The following SGCZ variants were observed in gnomAD, a reference collection of about 807,000 sequenced individuals.
The protein encoded by SGCZ is sarcoglycan zeta, also known as zeta-sarcoglycan.
A neutral mutation model predicts 41.3 loss-of-function variants in SGCZ; 40 were observed. The ratio of observed to expected loss-of-function variants is 0.97; its 90% confidence interval spans 0.75 to 1.26. SGCZ has a LOEUF of 1.26. SGCZ is among the 50% of genes most tolerant of loss of function. The pLI, the probability that SGCZ is intolerant of heterozygous loss-of-function variation, is 0.00. For missense variants in SGCZ, 552 were observed against 369.8 expected (o/e 1.49, Z -4.04); for synonymous variants, 206 against 137.5 (o/e 1.50, Z -3.49).
chr8:15,237,592 T>G lies in SGCZ; in HGVS notation c.32A>C (p.Glu11Ala), dbSNP rs1368698162. The change falls in exon 1 of 8, where the codon GAG becomes GCG. Residue 11 changes from glutamate (E) to alanine (A), a missense_variant. Physicochemically the swap from Glu to Ala is moderately radical, Grantham distance 107. Coordinates refer to ENST00000382080, the MANE Select transcript of SGCZ (RefSeq NM_139167.4). MDRSTNLDIE[E>A]LKMTREQYIL... ...GCCCGGACCCGCACGTACCTTGAGC[T>G]CCTCAATGTCCAGGTTCGTTGATCT... The G allele has an allele frequency of 6.3e-7, 1 of 1,590,942 alleles. No homozygotes were observed. The highest frequency in any genetic ancestry group is 1.3e-5 in the African/African-American group (1 of 74,528).
At chr8:14,139,267 C>T (rs181441890) in intron 5 of SGCZ, among the ~76,000 whole-genome samples, 4 of 152,224 alleles carry the variant, frequency 2.6e-5, no homozygotes, top group East Asian at 3.9e-4. Context: ...GACATCCTAA[C>T]GTCACAATTA....
At chr8:14,865,017 T>C (rs138089781) in intron 1 of SGCZ, among the ~76,000 whole-genome samples, 3,578 of 152,204 alleles carry the variant, frequency 0.024, 51 homozygotes, top group Middle Eastern at 0.048. Context: ...TGCTGTTGAA[T>C]TGAGTTCCCT....
At chr8:14,138,244 C>G (rs1803261875) in intron 5 of SGCZ, among the ~76,000 whole-genome samples, 1 of 152,102 alleles carries the variant, frequency 6.6e-6, no homozygotes, top group South Asian at 2.1e-4. Context: ...TTGTAAAGAC[C>G]ATCGAGGCTA....
At chr8:14,609,301 C>T (rs890491022) in intron 1 of SGCZ, among the ~76,000 whole-genome samples, 2 of 151,972 alleles carry the variant, frequency 1.3e-5, no homozygotes, top group African/African-American at 2.4e-5. Flanking sequence ...AACGTCAATG[C>T]TGGTATTACA....
At chr8:14,190,641 C>G (rs1043698298) in intron 4 of SGCZ, among the ~76,000 whole-genome samples, 8 of 151,870 alleles carry the variant, frequency 5.3e-5, no homozygotes, top group African/African-American at 1.9e-4. Flanking sequence ...CTCGCTCTGT[C>G]GCCCAGGCTG....
At chr8:15,029,272 A>G (rs1055091189) in intron 1 of SGCZ, among the ~76,000 whole-genome samples, 2 of 152,094 alleles carry the variant, frequency 1.3e-5, no homozygotes, top group African/African-American at 2.4e-5. Flanking sequence ...AGTTGAAAGC[A>G]CTTAGAATTA....
At chr8:14,671,117 G>C (rs9325724) in intron 1 of SGCZ, among the ~76,000 whole-genome samples, 82,798 of 152,004 alleles carry the variant, frequency 0.54, 24,081 homozygotes, top group East Asian at 0.74. Context: ...AGTTCCTCTG[G>C]ACTTCAGCTT....
chr8:14,790,112 C>T (rs1800899916), intron 1 of SGCZ, among the ~76,000 whole-genome samples: 1 of 152,024 alleles, frequency 6.6e-6, no homozygotes, highest in Non-Finnish European at 1.5e-5. Flanking sequence ...GCATTCTGCC[C>T]ATTGAATGCA....
chr8:14,192,514 C>G (rs1008998304), intron 4 of SGCZ, among the ~76,000 whole-genome samples: 1 of 151,648 alleles, frequency 6.6e-6, no homozygotes, highest in Non-Finnish European at 1.5e-5. Context: ...TAAAACTTAC[C>G]CATACAATAA....
chr8:14,315,946 T>C (rs1458348382), intron 3 of SGCZ, among the ~76,000 whole-genome samples: 1 of 151,738 alleles, frequency 6.6e-6, no homozygotes, highest in Admixed American at 6.6e-5. Flanking sequence ...GATATGTCTA[T>C]GTAAAGGGAA....
chr8:14,885,984 GTTATATATATATATAT>G (rs1314163810), intron 1 of SGCZ, among the ~76,000 whole-genome samples: 1 of 58,382 alleles, frequency 1.7e-5, no homozygotes, highest in African/African-American at 6.6e-5. Context: ...AGGACTTTAT[GTTATATATATATATAT>G]ATATATATAT....
chr8:14,090,780 C>G (rs1256387163), intron 7 of SGCZ, 143 bp from the exon 8 acceptor site: 2 of 708,692 alleles, frequency 2.8e-6, no homozygotes, highest in Non-Finnish European at 4.6e-6. Flanking sequence ...GTTGAACAAA[C>G]AAATTACATT....
intron 1 of SGCZ, among the ~76,000 whole-genome samples, chr8:14,776,717 T>C (rs1800414199): frequency 6.6e-6 from 1 of 151,926 alleles, no homozygotes; most frequent in Admixed American, 6.6e-5. Context: ...ATGGTCTCCA[T>C]CTCCTGACCT....
At chr8:14,478,777 G>C (rs1000888110) in intron 2 of SGCZ, among the ~76,000 whole-genome samples, 1 of 152,072 alleles carries the variant, frequency 6.6e-6, no homozygotes, top group African/African-American at 2.4e-5. Flanking sequence ...CGCTTTTTCA[G>C]AGTAACAGTT....
intron 1 of SGCZ, among the ~76,000 whole-genome samples, chr8:14,923,685 G>A (rs1305211227): frequency 2.0e-5 from 3 of 152,158 alleles, no homozygotes; most frequent in African/African-American, 7.2e-5. Flanking sequence ...TTATATCACA[G>A]GAGAACAATT....
At chr8:14,953,376 C>A (rs1158800953) in intron 1 of SGCZ, among the ~76,000 whole-genome samples, 2 of 152,156 alleles carry the variant, frequency 1.3e-5, no homozygotes, top group Admixed American at 1.3e-4. Flanking sequence ...AGGGGGAAAT[C>A]TGCCCCCATG....
At position 14,807,867 on chromosome 8, in the gene SGCZ, T is replaced by C. The variant is rs1013508221; in HGVS notation, c.40-252941A>G. On this transcript the variant is annotated intron_variant, in intron 1 of 7. Coordinates refer to ENST00000382080, the MANE Select transcript of SGCZ (RefSeq NM_139167.4). Reference sequence around the variant, plus strand: ...TACAGTAACCAAAACAGCATGATACTGGTACCAAAACAGAGATATAGATCA... The same window carrying C: ...TACAGTAACCAAAACAGCATGATACCGGTACCAAAACAGAGATATAGATCA... 4.6e-5 allele frequency among the ~76,000 whole-genome samples: 7 copies of C among 152,262 alleles called. 1 individual carries two copies. Among genetic ancestry groups the C allele is most frequent in the Admixed American group, 2.6e-4 (4 of 15,296 alleles).
At chr8:14,641,699 G>C (rs772074814) in intron 1 of SGCZ, among the ~76,000 whole-genome samples, 4 of 151,590 alleles carry the variant, frequency 2.6e-5, no homozygotes, top group Non-Finnish European at 4.4e-5. Context: ...AGGACATAGA[G>C]TTTATTGCTA....
intron 1 of SGCZ, among the ~76,000 whole-genome samples, chr8:14,761,307 T>C (rs1799864613): frequency 6.6e-6 from 1 of 152,038 alleles, no homozygotes; most frequent in South Asian, 2.1e-4. Context: ...AGTTGATATG[T>C]CATATTGATA....
Sources: gnomAD v4.1 joint callset for allele counts (sites outside exome capture counted in the v4.1 genomes callset) on GRCh38, gnomAD v4.1.1 for gene constraint, MANE v1.5 for transcripts, NCBI Gene and HGNC (gene_info 2026-07-23, HGNC 2026-07-21) for gene names.